AUTS2: variants seen among roughly 807,000 people sequenced by gnomAD.
AUTS2 encodes activator of transcription and developmental regulator AUTS2.
A neutral mutation model predicts 112.4 loss-of-function variants in AUTS2; 17 were observed. That is an observed-to-expected ratio of 0.15 (90% CI 0.10 to 0.23). The LOEUF (loss-of-function observed/expected upper bound fraction) is 0.23. Among genes scored for constraint, AUTS2 ranks in the 10% least tolerant of loss-of-function variants. AUTS2 has a pLI of 1.00. For synonymous variants in AUTS2, 751 were observed against 702.7 expected (o/e 1.07, Z -1.09); for missense variants, 1,510 against 1,701.6 (o/e 0.89, Z 1.98).
rs575400025 is a variant in AUTS2, at chr7:70,713,863, TC to T, written c.742+15245del. 2.3e-3 allele frequency among the ~76,000 whole-genome samples: 352 copies of T among 149,816 alleles called. 1 individual carries two copies. The highest frequency in any genetic ancestry group is 3.2e-3 in the Non-Finnish European group (217 of 67,696). Reference sequence around the variant, plus strand: ...GTGAGCGGAGATCGCGCCATTGCACTCCAGCCTGGGCGACAGAACAAGACTC... The same window carrying T: ...GTGAGCGGAGATCGCGCCATTGCACTCAGCCTGGGCGACAGAACAAGACTC... On this transcript the variant is annotated intron_variant, in intron 6 of 18. Coordinates refer to ENST00000342771, the MANE Select transcript of AUTS2 (RefSeq NM_015570.4).
At chr7:69,727,017 G>A (rs1786549791) in intron 1 of AUTS2, among the ~76,000 whole-genome samples, 2 of 152,108 alleles carry the variant, frequency 1.3e-5, no homozygotes, top group Admixed American at 1.3e-4. Context: ...TTTTAATTTT[G>A]ATGAAGTATA....
intron 4 of AUTS2, among the ~76,000 whole-genome samples, chr7:70,263,836 G>A (rs917661715): frequency 6.6e-6 from 1 of 152,172 alleles, no homozygotes; most frequent in Non-Finnish European, 1.5e-5. Context: ...TACTGAAAAC[G>A]AGTATGCTTC....
intron 6 of AUTS2, among the ~76,000 whole-genome samples, chr7:70,726,320 T>C (rs1296833739): frequency 6.6e-6 from 1 of 150,718 alleles, no homozygotes; most frequent in Non-Finnish European, 1.5e-5. Context: ...CATACATATA[T>C]TTGAATGAGA....
intron 5 of AUTS2, among the ~76,000 whole-genome samples, chr7:70,449,300 A>G (rs2131040080): frequency 6.6e-6 from 1 of 152,316 alleles, no homozygotes. Flanking sequence ...ACAGGCAGAG[A>G]GACTGTCTCT....
In AUTS2 at chr7:69,786,346, C is replaced by T. The variant is rs925932025; in HGVS notation, c.310-112940C>T. ...TGCACCAGTCAGCACTCTGTAAAAACGCACCAGTCAGCGCTCTGTGTCTAG... is the reference window on the plus strand; with the variant it reads ...TGCACCAGTCAGCACTCTGTAAAAATGCACCAGTCAGCGCTCTGTGTCTAG... On this transcript the variant is annotated intron_variant, in intron 1 of 18. Coordinates refer to ENST00000342771, the MANE Select transcript of AUTS2 (RefSeq NM_015570.4). Among the ~76,000 whole-genome samples the T allele has an allele frequency of 4.6e-5, 7 of 151,658 alleles. No homozygotes were observed. The South Asian group carries it at 6.3e-4, about 14-fold the overall frequency.
intron 2 of AUTS2, among the ~76,000 whole-genome samples, chr7:70,117,160 A>T (rs916131219): frequency 7.8e-6 from 1 of 127,672 alleles, no homozygotes; most frequent in African/African-American, 3.1e-5. Flanking sequence ...GTGTAGTACC[A>T]TATCTTCAGC....
intron 4 of AUTS2, among the ~76,000 whole-genome samples, chr7:70,410,504 C>T (rs1463242015): frequency 6.6e-6 from 1 of 150,804 alleles, no homozygotes; most frequent in East Asian, 2.0e-4. Flanking sequence ...GCTCACTGCA[C>T]CCTTGATCTT....
chr7:70,355,685 C>G (rs759360416), intron 4 of AUTS2, among the ~76,000 whole-genome samples: 1 of 152,128 alleles, frequency 6.6e-6, no homozygotes, highest in Non-Finnish European at 1.5e-5. Flanking sequence ...TGCCCTCCAC[C>G]GGGGATCTTT....
At chr7:69,707,903 G>A (rs529665309) in intron 1 of AUTS2, among the ~76,000 whole-genome samples, 3 of 152,188 alleles carry the variant, frequency 2.0e-5, no homozygotes, top group Non-Finnish European at 4.4e-5. Flanking sequence ...TCGTTCAGTC[G>A]TGTATCATGT....
chr7:69,624,305 C>T (rs941135983), intron 1 of AUTS2, among the ~76,000 whole-genome samples: 3 of 152,170 alleles, frequency 2.0e-5, no homozygotes, highest in African/African-American at 7.2e-5. Context: ...AGCCAGGTAT[C>T]TTTATCTGGT....
chr7:70,584,255 G>GTCTT lies in AUTS2; in HGVS notation c.691-114311_691-114308dup, dbSNP rs563828921. On this transcript the variant is annotated intron_variant, in intron 5 of 18. Transcript: ENST00000342771. The stretch of plus-strand genomic sequence containing the variant: ...TCCAGTCTGGTTTTAAATGGCTTCA[G>GTCTT]TCTTTCCCAGGGTGAAATCTGGGGA... 3.1e-3 allele frequency among the ~76,000 whole-genome samples: 471 copies of GTCTT among 152,326 alleles called. 3 individuals are homozygous for GTCTT. The highest frequency in any genetic ancestry group is 0.01 in the Middle Eastern group (3 of 294).
intron 4 of AUTS2, among the ~76,000 whole-genome samples, chr7:70,329,951 A>AGTG (rs1467064081): frequency 6.6e-6 from 1 of 152,048 alleles, no homozygotes; most frequent in Non-Finnish European, 1.5e-5. Context: ...GCTGTGTCCA[A>AGTG]GTGGTGGAAA....
At chr7:69,963,062 A>G (rs1797494556) in intron 2 of AUTS2, among the ~76,000 whole-genome samples, 1 of 152,136 alleles carries the variant, frequency 6.6e-6, no homozygotes, top group East Asian at 1.9e-4. Context: ...TCCTCCACAT[A>G]GATTGTCCCA....
chr7:69,792,732 A>G (rs1293003298), intron 1 of AUTS2, among the ~76,000 whole-genome samples: 1 of 152,002 alleles, frequency 6.6e-6, no homozygotes, highest in East Asian at 1.9e-4. Flanking sequence ...TGAATTGCCT[A>G]AGGCCTTTTA....
intron 1 of AUTS2, among the ~76,000 whole-genome samples, chr7:69,880,954 C>T (rs1212679081): frequency 6.6e-6 from 1 of 152,170 alleles, no homozygotes; most frequent in Non-Finnish European, 1.5e-5. Context: ...GCAGCTGTTT[C>T]CCTCAGATGC....
intron 12 of AUTS2, 110 bp from the exon 13 acceptor site, chr7:70,775,247 A>C (rs1790611577): frequency 1.0e-6 from 1 of 985,430 alleles, no homozygotes; most frequent in Admixed American, 2.1e-5. Context: ...ATTTAAAAGT[A>C]AAATTCTAAC....
intron 1 of AUTS2, among the ~76,000 whole-genome samples, chr7:69,885,190 G>A (rs555133747): frequency 9.2e-5 from 14 of 152,222 alleles, no homozygotes; most frequent in African/African-American, 3.1e-4. Flanking sequence ...TTTTTGTGCC[G>A]CGAGTATTTA....
chr7:69,875,869 T>C (rs1186150642), intron 1 of AUTS2, among the ~76,000 whole-genome samples: 1 of 152,148 alleles, frequency 6.6e-6, no homozygotes, highest in Admixed American at 6.5e-5. Flanking sequence ...ATTCTTAATA[T>C]TCTTATAGTA....
chr7:70,000,870 A>G (rs781671891), intron 2 of AUTS2, among the ~76,000 whole-genome samples: 3 of 152,066 alleles, frequency 2.0e-5, no homozygotes, highest in Non-Finnish European at 2.9e-5. Flanking sequence ...CTTTAAAACA[A>G]CAACAGAAAA....
Sources: allele counts gnomAD v4.1 joint callset (sites outside exome capture counted in the v4.1 genomes callset), GRCh38; gene constraint gnomAD v4.1.1; transcripts MANE v1.5; gene names NCBI Gene and HGNC (gene_info 2026-07-23, HGNC 2026-07-21).